The following KCNMA1 variants were observed in gnomAD, a reference collection of about 807,000 sequenced individuals.
KCNMA1 encodes potassium calcium-activated channel subfamily M alpha 1, also known as Calcium-activated potassium channel subunit alpha-1.
In KCNMA1, 29 loss-of-function variants were observed where a neutral mutation model predicts 140.0. That is an observed-to-expected ratio of 0.21 (90% CI 0.15 to 0.28). The LOEUF is 0.28. Ranked by LOEUF, KCNMA1 falls within the 10% of genes least tolerant of loss-of-function variation. KCNMA1 has a pLI of 1.00. For synonymous variants in KCNMA1, 612 were observed against 611.9 expected (o/e 1.00, Z 0.00); for missense variants, 880 against 1,602.2 (o/e 0.55, Z 7.70).
At chr10:76,963,646 TGTCAAC>T (rs1192449289) in intron 20 of KCNMA1, among the ~76,000 whole-genome samples, 1 of 152,188 alleles carries the variant, frequency 6.6e-6, no homozygotes, top group Non-Finnish European at 1.5e-5. Flanking sequence ...CGAGGCATTG[TGTCAAC>T]ACTTGATTCT....
At chr10:77,452,524 T>G (rs975128366) in intron 1 of KCNMA1, among the ~76,000 whole-genome samples, 1 of 152,240 alleles carries the variant, frequency 6.6e-6, no homozygotes, top group African/African-American at 2.4e-5. Flanking sequence ...ACTGGGATAG[T>G]AATTATACAC....
chr10:77,461,130 G>T (rs2154524226), intron 1 of KCNMA1, among the ~76,000 whole-genome samples: 1 of 151,690 alleles, frequency 6.6e-6, no homozygotes, highest in East Asian at 1.9e-4. Context: ...ATTACCTATT[G>T]GATACAATGT....
intron 3 of KCNMA1, among the ~76,000 whole-genome samples, chr10:77,245,925 G>C (rs2058447143): frequency 6.6e-6 from 1 of 152,142 alleles, no homozygotes; most frequent in African/African-American, 2.4e-5. Context: ...GCCATTATTA[G>C]GAAGAACTGA....
intron 14 of KCNMA1, among the ~76,000 whole-genome samples, chr10:77,053,630 T>C (rs1198058998): frequency 6.6e-6 from 1 of 152,302 alleles, no homozygotes; most frequent in East Asian, 1.9e-4. Context: ...CACAAAATTG[T>C]AAGCACTGTA....
rs181027032 is a variant in KCNMA1 at position 77,460,314 on chromosome 10, T to C, written c.379-56291A>G. On this transcript the variant is annotated intron_variant, in intron 1 of 27. Transcript: ENST00000286628. ...CCTTTAAGACCAAGCTCAAGTAGCC[T>C]TCCTGAAACAGTGTGGAGATTTCTC... 5.5e-4 allele frequency among the ~76,000 whole-genome samples: 84 copies of C among 152,314 alleles called. 1 individual carries two copies. The East Asian group carries it at 0.015, about 28-fold the overall frequency.
intron 1 of KCNMA1, among the ~76,000 whole-genome samples, chr10:77,504,127 G>A (rs1049022400): frequency 6.6e-6 from 1 of 152,134 alleles, no homozygotes; most frequent in Non-Finnish European, 1.5e-5. Flanking sequence ...TGCCTGCCTG[G>A]CAAGAATGTG....
intron 2 of KCNMA1, among the ~76,000 whole-genome samples, chr10:77,399,035 G>A (rs2154457985): frequency 6.6e-6 from 1 of 152,288 alleles, no homozygotes; most frequent in South Asian, 2.1e-4. Flanking sequence ...AGCCAGAGCA[G>A]GGGTGCAAAG....
At chr10:77,384,606 A>G (rs1040925786) in intron 2 of KCNMA1, among the ~76,000 whole-genome samples, 1 of 152,246 alleles carries the variant, frequency 6.6e-6, no homozygotes, top group Non-Finnish European at 1.5e-5. Flanking sequence ...CTTGCCACAG[A>G]GGGAAATAAC....
At chr10:77,566,456 G>A (rs1461267931) in intron 1 of KCNMA1, among the ~76,000 whole-genome samples, 1 of 152,216 alleles carries the variant, frequency 6.6e-6, no homozygotes, top group Non-Finnish European at 1.5e-5. Flanking sequence ...CTGTCCCACG[G>A]AAGGCCAGTG....
chr10:77,497,843 T>C (rs2042486979), intron 1 of KCNMA1, among the ~76,000 whole-genome samples: 1 of 152,062 alleles, frequency 6.6e-6, no homozygotes, highest in African/African-American at 2.4e-5. Flanking sequence ...CAGGAAGAAG[T>C]AGTGACTTGT....
intron 13 of KCNMA1, among the ~76,000 whole-genome samples, chr10:77,075,002 C>G (rs1054140263): frequency 2.0e-5 from 3 of 152,222 alleles, no homozygotes; most frequent in Non-Finnish European, 4.4e-5. Flanking sequence ...CCACACTCTG[C>G]TTTCAAAAAT....
intron 1 of KCNMA1, among the ~76,000 whole-genome samples, chr10:77,469,330 G>A (rs1194322025): frequency 1.3e-5 from 2 of 152,144 alleles, no homozygotes; most frequent in African/African-American, 4.8e-5. Flanking sequence ...TGGTCAAGAC[G>A]TCCACCTTCA....
At chr10:76,920,016 G>GTTTATATATATA (rs1377571381) in intron 23 of KCNMA1, among the ~76,000 whole-genome samples, 1 of 44,288 alleles carries the variant, frequency 2.3e-5, no homozygotes, top group Non-Finnish European at 4.0e-5. Flanking sequence ...GTGTGTGTGT[G>GTTTATATATATA]TGTGTATATA....
chr10:76,934,124 C>T (rs2059927583), intron 23 of KCNMA1, among the ~76,000 whole-genome samples: 2 of 152,058 alleles, frequency 1.3e-5, no homozygotes, highest in Admixed American at 1.3e-4. Context: ...AGATGTGAGC[C>T]ACCACACCAG....
intron 1 of KCNMA1, among the ~76,000 whole-genome samples, chr10:77,476,083 C>T (rs377460882): frequency 6.6e-6 from 1 of 152,176 alleles, no homozygotes; most frequent in Non-Finnish European, 1.5e-5. Flanking sequence ...CCAGGCCGCA[C>T]GGTGCTGGCC....
In KCNMA1 at chr10:77,145,216, T is replaced by C. The variant is rs1190048944; in HGVS notation, c.809-24168A>G. Among the ~76,000 whole-genome samples the C allele has an allele frequency of 2.0e-5, 3 of 152,152 alleles. No homozygotes were observed. In the East Asian group the frequency reaches 5.8e-4, roughly 29 times the overall value. On this transcript the variant is annotated intron_variant, in intron 5 of 27. Transcript: ENST00000286628. ...AGCAGGGGATTTGGTTCCTGGCATC[T>C]CCACATACGAGCCACATGCTCTTGG...
intron 9 of KCNMA1, among the ~76,000 whole-genome samples, chr10:77,105,480 G>A (rs1386007100): frequency 1.3e-5 from 2 of 152,148 alleles, no homozygotes; most frequent in African/African-American, 4.8e-5. Context: ...GTTACCTTGA[G>A]TTCTCTGACA....
intron 2 of KCNMA1, among the ~76,000 whole-genome samples, chr10:77,351,716 T>C (rs1006143763): frequency 6.6e-6 from 1 of 152,118 alleles, no homozygotes; most frequent in South Asian, 2.1e-4. Context: ...GTCTGGAGGG[T>C]CCCCAAGAGA....
chr10:77,284,404 A>C (rs1402688261), intron 2 of KCNMA1, among the ~76,000 whole-genome samples: 2 of 152,214 alleles, frequency 1.3e-5, no homozygotes, highest in African/African-American at 4.8e-5. Context: ...CTAGGTCATC[A>C]TACAGGCATA....
Sources: allele counts gnomAD v4.1 joint callset (sites outside exome capture counted in the v4.1 genomes callset), GRCh38; gene constraint gnomAD v4.1.1; transcripts MANE v1.5; gene names NCBI Gene and HGNC (gene_info 2026-07-23, HGNC 2026-07-21).